Variants in GABRA6 observed in about 807,000 individuals in gnomAD.
GABRA6 encodes the protein gamma-aminobutyric acid receptor subunit alpha-6.
In GABRA6, 45 loss-of-function variants were observed where a neutral mutation model predicts 47.3. That is an observed-to-expected ratio of 0.95 (90% CI 0.75 to 1.22). GABRA6 has a LOEUF of 1.22. GABRA6 is among the 50% of genes most tolerant of loss of function. The probability of loss-of-function intolerance (pLI) is 0.00; values close to 1 mark genes in which losing one functional copy is unlikely to be tolerated. For missense variants in GABRA6, 583 were observed against 549.3 expected (o/e 1.06, Z -0.61); for synonymous variants, 219 against 194.7 (o/e 1.12, Z -1.04).
Position 161,688,962 on chromosome 5 carries a change from A to G in GABRA6, c.239A>G (p.Asp80Gly). 1 of 1,613,474 alleles carries G rather than the reference A, an allele frequency of 6.2e-7. No individual in the cohort carries two copies. The highest frequency in any genetic ancestry group is 1.7e-5 in the Admixed American group (1 of 60,012). Residue 80 changes from aspartate to glycine, a missense_variant, in exon 4 of 9, where the codon GAT becomes GGT. Coordinates refer to ENST00000274545, the MANE Select transcript of GABRA6 (RefSeq NM_000811.3). ...ATTTTCTCTTAGGAGTATACGATGGATGTTTTTTTCCGCCAGACCTGGACT... is the reference window on the plus strand; with the variant it reads ...ATTTTCTCTTAGGAGTATACGATGGGTGTTTTTTTCCGCCAGACCTGGACT... ...VSDVEMEYTMDVFFRQTWTDE... is the reference protein window; with the variant it reads ...VSDVEMEYTMGVFFRQTWTDE...
chr5:161,692,232 C>A, intron 8 of GABRA6, 32 bp downstream of exon 8: 1 of 1,613,616 alleles, frequency 6.2e-7, no homozygotes, highest in African/African-American at 1.3e-5. Flanking sequence ...CATTACCTAC[C>A]GTAGGAAAAA....
chr5:161,688,905 C>T, intron 3 of GABRA6, 44 bp from the exon 4 acceptor site: 1 of 1,536,880 alleles, frequency 6.5e-7, no homozygotes, highest in Non-Finnish European at 9.0e-7. Flanking sequence ...CTATTCTTAG[C>T]AAACTATCTT....
At position 161,686,918 on chromosome 5, in the gene GABRA6, C is replaced by T. The variant is rs755390792; in HGVS notation, c.158-18C>T. ...CATCAGTGGTGATAATTGTTTCATC[C>T]CTCTGGGCTAATTTCAGGTGCTGTC... On this transcript the variant is annotated intron_variant, in intron 2 of 8. Coordinates refer to ENST00000274545, the MANE Select transcript of GABRA6 (RefSeq NM_000811.3). 6.2e-7 allele frequency: 1 copy of T among 1,611,504 alleles called. No homozygotes were observed. Among genetic ancestry groups the T allele is most frequent in the South Asian group, 1.1e-5 (1 of 91,034 alleles).
Position 161,691,532 on chromosome 5 carries a change from C to T in GABRA6, c.827-409C>T, listed in dbSNP as rs1242627720. On this transcript the variant is annotated intron_variant, in intron 7 of 8. Coordinates refer to ENST00000274545, the MANE Select transcript of GABRA6 (RefSeq NM_000811.3). ...GGATAGAATGGTCTCGATCTCCTGA[C>T]CTCGTGATCCGCCCGCCTCGGCCTC... 2.0e-5 allele frequency among the ~76,000 whole-genome samples: 3 copies of T among 151,670 alleles called. No homozygotes were observed. In the East Asian group the frequency reaches 5.8e-4, roughly 29 times the overall value.
At chr5:161,689,196 C>T (rs542898473) in intron 4 of GABRA6, 27 bp downstream of exon 4, 64 of 1,611,380 alleles carry the variant, frequency 4.0e-5, no homozygotes, top group Non-Finnish European at 5.2e-5. Flanking sequence ...TCTATTTCCC[C>T]TGCCTAAATG....
At position 161,686,342 on chromosome 5, in the gene GABRA6, T is replaced by G. The variant is rs144795512; in HGVS notation, c.151T>G (p.Phe51Val). Residue 51 changes from phenylalanine to valine, a missense_variant, in exon 2 of 9, where the codon TTT (phenylalanine) becomes GTT (valine). Coordinates refer to ENST00000274545, the MANE Select transcript of GABRA6 (RefSeq NM_000811.3). Reference protein sequence around the residue: ...EGYDNRLRPGFGGAVTEVKTD... With the variant: ...EGYDNRLRPGVGGAVTEVKTD... ...CTATGACAATCGGCTGCGGCCGGGA[T>G]TTGGAGGTAAGAAGCTGCATCTTTG... 8.1e-6 allele frequency: 13 copies of G among 1,612,144 alleles called. No individual in the cohort carries two copies. In the African/African-American group the frequency reaches 1.7e-4, roughly 22 times the overall value.
intron 8 of GABRA6, among the ~76,000 whole-genome samples, chr5:161,695,314 CTAAT>C (rs1439333187): frequency 2.0e-5 from 3 of 152,098 alleles, no homozygotes; most frequent in Non-Finnish European, 4.4e-5. Flanking sequence ...GCTCTATAGA[CTAAT>C]TATCTTTCTG....
chr5:161,688,558 G>T (rs1205700809), intron 3 of GABRA6, among the ~76,000 whole-genome samples: 2 of 152,146 alleles, frequency 1.3e-5, no homozygotes, highest in Non-Finnish European at 2.9e-5. Context: ...GGTGAATGAG[G>T]TGCAAAGGGG....
intron 8 of GABRA6, among the ~76,000 whole-genome samples, chr5:161,698,058 C>T (rs576902106): frequency 6.6e-6 from 1 of 152,272 alleles, no homozygotes; most frequent in Admixed American, 6.5e-5. Context: ...TTTCATCCCC[C>T]TCTTTGCCTA....
chr5:161,693,571 G>A (rs1005400432), intron 8 of GABRA6, among the ~76,000 whole-genome samples: 1 of 152,030 alleles, frequency 6.6e-6, no homozygotes, highest in African/African-American at 2.4e-5. Flanking sequence ...AGCATTTTGG[G>A]AGGCTGAGTT....
rs566082302 is a variant in GABRA6, at chr5:161,686,835, A to G, written c.158-101A>G. On this transcript the variant is annotated intron_variant, in intron 2 of 8. Coordinates refer to ENST00000274545, the MANE Select transcript of GABRA6 (RefSeq NM_000811.3). ...TGGAATGCAATAGGACACATTGCAG[A>G]TACTGGCTATGATAAGTAAGGGGTT... The G allele has an allele frequency of 1.9e-5, 19 of 989,462 alleles. No individual in the cohort carries two copies. The South Asian group carries it at 2.5e-4, about 13-fold the overall frequency. 61.3% of individuals were successfully genotyped at this position (989,462 alleles called of 1,614,324 possible). A position where few individuals can be genotyped will look rare whatever the true frequency, so the allele number is the denominator to read the frequency against.
chr5:161,686,405 C>A, intron 2 of GABRA6, 57 bp downstream of exon 2: 2 of 1,335,006 alleles, frequency 1.5e-6, no homozygotes, highest in Non-Finnish European at 2.2e-6. Flanking sequence ...TCCGTTTCTG[C>A]CCTTTGAAGA....
chr5:161,701,853 T>A lies in GABRA6; in HGVS notation c.*80T>A. Reference sequence around the variant, plus strand: ...TTTCTTAAAAAATAGCATTGAGACTTGTGTAGATGCTTCTCAGAACATGAA... The same window carrying A: ...TTTCTTAAAAAATAGCATTGAGACTAGTGTAGATGCTTCTCAGAACATGAA... On this transcript the variant is annotated 3_prime_UTR_variant, in exon 9 of 9. Transcript: ENST00000274545. 1.4e-6 allele frequency: 2 copies of A among 1,389,704 alleles called. No homozygotes were observed. Among genetic ancestry groups the A allele is most frequent in the Non-Finnish European group, 2.0e-6 (2 of 980,896 alleles). The allele number at this position is 1,389,704 out of a possible 1,614,324, so 86.1% of individuals were successfully genotyped here. A position where few individuals can be genotyped will look rare whatever the true frequency, so the allele number is the denominator to read the frequency against.
chr5:161,699,208 A>G (rs556929493), intron 8 of GABRA6, among the ~76,000 whole-genome samples: 15 of 152,220 alleles, frequency 9.9e-5, no homozygotes, highest in Non-Finnish European at 2.2e-4. Context: ...GCATGCTGTT[A>G]AAAGTCAAAA....
Position 161,701,781 on chromosome 5 carries a change from C to A in GABRA6, c.*8C>A, listed in dbSNP as rs776710218. On this transcript the variant is annotated 3_prime_UTR_variant, in exon 9 of 9. Transcript: ENST00000274545. ...AGTAGCAGTGTTGAATAGCTTGCGG[C>A]CAGGACAACCTGAATTCTATAAGTT... The A allele has an allele frequency of 6.2e-7, 1 of 1,613,648 alleles. No homozygotes were observed. The highest frequency in any genetic ancestry group is 8.5e-7 in the Non-Finnish European group (1 of 1,179,562).
intron 1 of GABRA6, 67 bp downstream of exon 1, chr5:161,686,094 G>A: frequency 1.3e-6 from 2 of 1,481,844 alleles, no homozygotes; most frequent in Admixed American, 1.7e-5. Flanking sequence ...TACATCCATT[G>A]GGTGACTCCT....
At chr5:161,687,531 T>C in intron 3 of GABRA6, 1 of 456,124 alleles carries the variant, frequency 2.2e-6, no homozygotes, top group Non-Finnish European at 4.4e-6. Flanking sequence ...CAGGTACAGA[T>C]GGCTGTAGCA....
chr5:161,687,125 TCATGCTGGGAGGG>T (rs1434711917), intron 3 of GABRA6, 122 bp downstream of exon 3: 16 of 807,602 alleles, frequency 2.0e-5, no homozygotes, highest in Non-Finnish European at 2.8e-5. Flanking sequence ...ATATTTGTAT[TCATGCTGGGAGGG>T]CATGACCATT....
Position 161,701,524 on chromosome 5 carries a change from G to A in GABRA6, c.1113G>A (p.Lys371=), listed in dbSNP as rs1195556769. Residue 371 remains lysine, a synonymous_variant, in exon 9 of 9, where the codon AAG becomes AAA. Transcript: ENST00000274545. ...ATCCTGACTCCAAATATCATCTGAAGAAAAGGATCACTTCTCTGTCTTTGC... is the reference window on the plus strand; with the variant it reads ...ATCCTGACTCCAAATATCATCTGAAAAAAAGGATCACTTCTCTGTCTTTGC... ...VLHPDSKYHL[K]KRITSLSLPI... The A allele has an allele frequency of 4.3e-6, 7 of 1,614,018 alleles. No individual in the cohort carries two copies. The South Asian group carries it at 7.7e-5, about 18-fold the overall frequency.
Sources: gnomAD v4.1 joint callset for allele counts (sites outside exome capture counted in the v4.1 genomes callset) on GRCh38, gnomAD v4.1.1 for gene constraint, MANE v1.5 for transcripts, NCBI Gene and HGNC (gene_info 2026-07-23, HGNC 2026-07-21) for gene names.